BANP: variants seen among roughly 807,000 people sequenced by gnomAD.
BANP encodes BTG3 associated nuclear protein, also known as protein BANP.
In BANP, 11 loss-of-function variants were observed where a neutral mutation model predicts 68.1. The observed-to-expected ratio is 0.16, with a 90% CI of 0.10 to 0.27. The LOEUF is 0.27. Among genes scored for constraint, BANP ranks in the 10% least tolerant of loss-of-function variants. The pLI is 1.00. For missense variants in BANP, 504 were observed against 722.7 expected, an observed-to-expected ratio of 0.70 and a Z score of 3.47; for synonymous variants, 329 against 303.2, an observed-to-expected ratio of 1.09 and a Z score of -0.88.
chr16:87,967,661 G>A (rs1476864963), intron 1 of BANP, among the ~76,000 whole-genome samples: 2 of 137,712 alleles, frequency 1.5e-5, no homozygotes, highest in African/African-American at 5.5e-5. Context: ...TCACTCTGTC[G>A]CCCAGGCTGG....
chr16:88,070,035 A>T (rs930820283), intron 12 of BANP, among the ~76,000 whole-genome samples: 4 of 152,124 alleles, frequency 2.6e-5, no homozygotes, highest in African/African-American at 9.7e-5. Context: ...CTTAATAAAG[A>T]TCCACTTCCG....
At chr16:87,962,823 C>G (rs949070031) in intron 1 of BANP, among the ~76,000 whole-genome samples, 4 of 152,098 alleles carry the variant, frequency 2.6e-5, no homozygotes, top group Non-Finnish European at 5.9e-5. Context: ...AGTTATTTCC[C>G]ATCTCATTCT....
chr16:88,052,895 TC>T (rs2083613305), intron 11 of BANP, among the ~76,000 whole-genome samples: 1 of 151,040 alleles, frequency 6.6e-6, no homozygotes, highest in South Asian at 2.1e-4. Context: ...TTCTTCACTA[TC>T]ATCTCCATCA....
intron 13 of BANP, among the ~76,000 whole-genome samples, chr16:88,074,527 C>T (rs2091177944): frequency 1.3e-5 from 2 of 152,130 alleles, no homozygotes; most frequent in South Asian, 4.1e-4. Context: ...GCAGAGGCAG[C>T]ACCTCCACCA....
At position 88,071,084 on chromosome 16, in the gene BANP, A is replaced by G. The variant is rs2090177843; in HGVS notation, c.1378-985A>G. On this transcript the variant is annotated intron_variant, in intron 12 of 13. Transcript: ENST00000682872. This position sits in a 1 kb window ranked among gnomAD's most constrained non-coding sequence, Gnocchi z 6.5. Reference sequence around the variant, plus strand: ...GCTGCTGTTGTCCAGGGCAGGTCCCACGGAGGGGATGCTGCGGCCAGGCTC... The same window carrying G: ...GCTGCTGTTGTCCAGGGCAGGTCCCGCGGAGGGGATGCTGCGGCCAGGCTC... 1 of 267,136 alleles carries G rather than the reference A, an allele frequency of 3.7e-6. No homozygotes were observed. Among genetic ancestry groups the G allele is most frequent in the South Asian group, 3.8e-5 (1 of 26,068 alleles). 16.5% of individuals were successfully genotyped at this position (267,136 alleles called of 1,614,324 possible).
chr16:87,976,141 C>T (rs1460664823), intron 2 of BANP, among the ~76,000 whole-genome samples: 1 of 152,202 alleles, frequency 6.6e-6, no homozygotes, highest in Admixed American at 6.5e-5. Flanking sequence ...TTATACACAA[C>T]CCTATAGAGA....
intron 11 of BANP, among the ~76,000 whole-genome samples, chr16:88,047,077 A>G (rs558445987): frequency 3.9e-5 from 6 of 152,206 alleles, no homozygotes; most frequent in African/African-American, 1.4e-4. Context: ...AAAAAGAAAA[A>G]AAAAAATCCT....
At chr16:88,028,627 A>G (rs1417070262) in intron 8 of BANP, among the ~76,000 whole-genome samples, 2 of 152,228 alleles carry the variant, frequency 1.3e-5, no homozygotes, top group Non-Finnish European at 2.9e-5. Flanking sequence ...TTCTACTACA[A>G]TGAGGAATTC....
At chr16:87,985,805 T>C (rs1235373793) in intron 4 of BANP, among the ~76,000 whole-genome samples, 1 of 152,200 alleles carries the variant, frequency 6.6e-6, no homozygotes, top group East Asian at 1.9e-4. Context: ...GATAGAATAT[T>C]ACAGAATGGT....
chr16:88,067,056 A>G (rs1226680283), intron 12 of BANP, among the ~76,000 whole-genome samples: 4 of 151,902 alleles, frequency 2.6e-5, no homozygotes, highest in Non-Finnish European at 4.4e-5. Flanking sequence ...AGGAATGCAC[A>G]CTCGCTCTCT....
intron 2 of BANP, chr16:87,978,622 C>T (rs757267094): frequency 4.3e-5 from 20 of 470,006 alleles, no homozygotes; most frequent in South Asian, 1.7e-4. Context: ...GTCATGAGGC[C>T]GAAGGCATAG....
intron 3 of BANP, among the ~76,000 whole-genome samples, chr16:87,982,248 C>T (rs2063412647): frequency 1.3e-5 from 2 of 152,202 alleles, no homozygotes; most frequent in Non-Finnish European, 1.5e-5. Flanking sequence ...TGCCTTCCTC[C>T]TTGTCCCACT....
chr16:87,969,204 C>T (rs748000122), intron 1 of BANP, among the ~76,000 whole-genome samples: 1 of 147,544 alleles, frequency 6.8e-6, no homozygotes, highest in Non-Finnish European at 1.5e-5. Flanking sequence ...CATTCTTTTG[C>T]TGCTAAAAAC....
At chr16:88,040,565 G>A (rs966064281) in intron 11 of BANP, among the ~76,000 whole-genome samples, 2 of 152,120 alleles carry the variant, frequency 1.3e-5, no homozygotes, top group East Asian at 1.9e-4. Flanking sequence ...CGAGCAGTGC[G>A]GGGGTCACAC....
At position 88,018,738 on chromosome 16, in the gene BANP, A is replaced by C; in HGVS notation, c.895+71A>C. 6.7e-7 allele frequency: 1 copy of C among 1,493,038 alleles called. No individual in the cohort carries two copies. The highest frequency in any genetic ancestry group is 9.0e-7 in the Non-Finnish European group (1 of 1,113,214). 92.5% of individuals were successfully genotyped at this position (1,493,038 alleles called of 1,614,324 possible). Reference sequence around the variant, plus strand: ...GGTCAGGACCCACATTTCAATGCTGAGGACGCTGGCATCAGTAGCACCGGC... The same window carrying C: ...GGTCAGGACCCACATTTCAATGCTGCGGACGCTGGCATCAGTAGCACCGGC... On this transcript the variant is annotated intron_variant, in intron 7 of 13. Transcript: ENST00000682872. The surrounding 1 kb of genome is among the most constrained non-coding windows in gnomAD (Gnocchi z 7.7).
At chr16:87,967,686 G>A (rs8054705) in intron 1 of BANP, among the ~76,000 whole-genome samples, 95,265 of 149,198 alleles carry the variant, frequency 0.64, 30,777 homozygotes, top group African/African-American at 0.68. Context: ...CAGTGGCGCA[G>A]TCTTGGCTCA....
At chr16:88,029,331 C>G (rs1002866330) in intron 8 of BANP, among the ~76,000 whole-genome samples, 41 of 139,422 alleles carry the variant, frequency 2.9e-4, no homozygotes, top group African/African-American at 1.0e-3. Context: ...AAAAAAAAGC[C>G]GGGTGCTGTG....
chr16:87,960,217 G>A (rs1472755359), intron 1 of BANP, among the ~76,000 whole-genome samples: 4 of 152,216 alleles, frequency 2.6e-5, no homozygotes, highest in South Asian at 2.1e-4. Flanking sequence ...AACACTGGCC[G>A]TGGCAGGTGC....
chr16:88,068,349 C>T (rs970950076), intron 12 of BANP, among the ~76,000 whole-genome samples: 4 of 152,200 alleles, frequency 2.6e-5, no homozygotes, highest in Non-Finnish European at 4.4e-5. Flanking sequence ...GGTGGGCAGG[C>T]GCTTGGGAGT....
Sources: gnomAD v4.1 joint callset for allele counts (sites outside exome capture counted in the v4.1 genomes callset) on GRCh38, gnomAD v4.1.1 for gene constraint, Gnocchi (gnomAD v3.1) non-coding constraint, MANE v1.5 for transcripts, NCBI Gene and HGNC (gene_info 2026-07-23, HGNC 2026-07-21) for gene names.